The following EBF1 variants were observed in gnomAD, a reference collection of about 807,000 sequenced individuals.
EBF1 encodes the protein transcription factor COE1.
Under a neutral mutation model 68.4 loss-of-function variants are expected in EBF1, and 10 were observed. The observed-to-expected ratio is 0.15, with a 90% CI of 0.09 to 0.25. EBF1 has a LOEUF of 0.25. Among genes scored for constraint, EBF1 ranks in the 10% least tolerant of loss-of-function variants. The probability of loss-of-function intolerance (pLI) is 1.00; values close to 1 mark genes in which losing one functional copy is unlikely to be tolerated. For missense variants in EBF1, 509 were observed against 794.4 expected, an observed-to-expected ratio of 0.64 and a Z score of 4.32; for synonymous variants, 298 against 299.8, an observed-to-expected ratio of 0.99 and a Z score of 0.06.
chr5:158,863,169 C>T (rs993697279), intron 6 of EBF1, among the ~76,000 whole-genome samples: 1 of 152,162 alleles, frequency 6.6e-6, no homozygotes, highest in African/African-American at 2.4e-5. Context: ...TTTGATGTTT[C>T]CTAAACTCTC....
intron 6 of EBF1, among the ~76,000 whole-genome samples, chr5:159,007,076 C>T (rs1184125013): frequency 6.6e-6 from 1 of 152,072 alleles, no homozygotes; most frequent in African/African-American, 2.4e-5. Context: ...ATTCATGTGT[C>T]CTCATTGTGA....
intron 8 of EBF1, among the ~76,000 whole-genome samples, chr5:158,816,369 A>C (rs537038683): frequency 6.6e-6 from 1 of 152,250 alleles, no homozygotes; most frequent in Non-Finnish European, 1.5e-5. Context: ...GAAACTATGC[A>C]AACCCTGAAA....
chr5:158,892,965 A>T (rs1801469508), intron 6 of EBF1, among the ~76,000 whole-genome samples: 1 of 151,866 alleles, frequency 6.6e-6, no homozygotes, highest in Non-Finnish European at 1.5e-5. Context: ...CATTTCTGCT[A>T]GCCTGACACG....
chr5:159,019,427 T>C (rs1042056758), intron 6 of EBF1, among the ~76,000 whole-genome samples: 12 of 152,308 alleles, frequency 7.9e-5, no homozygotes, highest in Middle Eastern at 6.8e-3. Flanking sequence ...ACTGCAAATA[T>C]AAATGAAAAA....
intron 6 of EBF1, among the ~76,000 whole-genome samples, chr5:158,906,262 C>T (rs916280602): frequency 7.4e-6 from 1 of 135,774 alleles, no homozygotes; most frequent in Admixed American, 7.9e-5. Context: ...AGATCACTTG[C>T]TTGGAAGTAG....
intron 10 of EBF1, among the ~76,000 whole-genome samples, chr5:158,758,236 G>A (rs1373683819): frequency 1.3e-5 from 2 of 152,158 alleles, no homozygotes; most frequent in East Asian, 3.9e-4. Context: ...AACATCTACT[G>A]GGTACTGCTG....
At position 158,845,400 on chromosome 5, in the gene EBF1, C is replaced by T. The variant is rs142491150; in HGVS notation, c.555-5290G>A. Among the ~76,000 whole-genome samples the T allele has an allele frequency of 2.0e-3, 311 of 152,238 alleles. 3 individuals carry two copies. Among genetic ancestry groups the T allele is most frequent in the African/African-American group, 7.3e-3 (303 of 41,546 alleles). ...GGGTGACTTTAGATAAATTATTTAA[C>T]CTCTCTGTGCCTCAATTTTCTCATC... is the stretch of plus-strand genomic sequence containing the variant. On this transcript the variant is annotated intron_variant, in intron 6 of 15. Coordinates refer to ENST00000313708, the MANE Select transcript of EBF1 (RefSeq NM_024007.5).
At chr5:158,847,972 G>C (rs926207857) in intron 6 of EBF1, among the ~76,000 whole-genome samples, 1 of 152,056 alleles carries the variant, frequency 6.6e-6, no homozygotes, top group Non-Finnish European at 1.5e-5. Context: ...CAGTAACAGC[G>C]ACCCACCCCA....
At chr5:158,873,134 T>C (rs1349463724) in intron 6 of EBF1, among the ~76,000 whole-genome samples, 2 of 150,362 alleles carry the variant, frequency 1.3e-5, no homozygotes, top group Non-Finnish European at 3.0e-5. Flanking sequence ...ATAGTGGAAA[T>C]GGGACTCCTG....
intron 6 of EBF1, among the ~76,000 whole-genome samples, chr5:159,021,284 C>T (rs1766625802): frequency 6.6e-6 from 1 of 151,952 alleles, no homozygotes; most frequent in Admixed American, 6.5e-5. Flanking sequence ...TGGGAATCTC[C>T]CGCCAAAAAA....
intron 6 of EBF1, among the ~76,000 whole-genome samples, chr5:159,038,843 G>T (rs1770619820): frequency 6.6e-6 from 1 of 152,160 alleles, no homozygotes; most frequent in African/African-American, 2.4e-5. Context: ...GGTAGAAAGA[G>T]ATCCTGGTTC....
At chr5:159,047,008 T>C (rs1233517450) in intron 6 of EBF1, among the ~76,000 whole-genome samples, 1 of 152,224 alleles carries the variant, frequency 6.6e-6, no homozygotes, top group East Asian at 1.9e-4. Flanking sequence ...TTTCATCCAA[T>C]AACTCATTCA....
At chr5:159,033,381 C>T (rs1769335303) in intron 6 of EBF1, among the ~76,000 whole-genome samples, 1 of 152,098 alleles carries the variant, frequency 6.6e-6, no homozygotes, top group Non-Finnish European at 1.5e-5. Context: ...TTTTCCTTTC[C>T]CTTTCATTGA....
rs576577073 is a variant in EBF1 at position 158,926,552 on chromosome 5, C to T, written c.555-86442G>A. 5.3e-4 allele frequency among the ~76,000 whole-genome samples: 81 copies of T among 151,862 alleles called. 1 individual carries two copies. In the East Asian group the frequency reaches 0.013, roughly 25 times the overall value. Reference sequence around the variant, plus strand: ...CAGCCTGGCCAGTATGGTGAAACCCCGTCTCTACTAAAAATACAAAAATTA... The same window carrying T: ...CAGCCTGGCCAGTATGGTGAAACCCTGTCTCTACTAAAAATACAAAAATTA... On this transcript the variant is annotated intron_variant, in intron 6 of 15. Transcript: ENST00000313708.
At chr5:158,769,360 A>C (rs765446078) in intron 10 of EBF1, among the ~76,000 whole-genome samples, 1 of 152,120 alleles carries the variant, frequency 6.6e-6, no homozygotes, top group Non-Finnish European at 1.5e-5. Context: ...GTTGTATATA[A>C]GGCCTCGTGG....
At chr5:158,752,847 G>T (rs1769227043) in intron 10 of EBF1, among the ~76,000 whole-genome samples, 1 of 151,976 alleles carries the variant, frequency 6.6e-6, no homozygotes, top group Non-Finnish European at 1.5e-5. Flanking sequence ...GATAATTATA[G>T]ATGACCAGAT....
At chr5:158,931,760 T>C (rs1810935967) in intron 6 of EBF1, among the ~76,000 whole-genome samples, 1 of 152,156 alleles carries the variant, frequency 6.6e-6, no homozygotes, top group Non-Finnish European at 1.5e-5. Flanking sequence ...GATGAGAATA[T>C]ATAGAGAGAG....
intron 6 of EBF1, among the ~76,000 whole-genome samples, chr5:158,857,881 T>C (rs558573099): frequency 6.6e-6 from 1 of 152,336 alleles, no homozygotes; most frequent in Non-Finnish European, 1.5e-5. Context: ...TAACAGAATT[T>C]ATCCTCATTT....
rs1337652543 is a variant in EBF1 at position 158,823,311 on chromosome 5, C to T, written c.643G>A (p.Val215Met). The T allele has an allele frequency of 6.2e-7, 1 of 1,609,964 alleles. No homozygotes were observed. The highest frequency in any genetic ancestry group is 8.5e-7 in the Non-Finnish European group (1 of 1,178,054). ...CCATCCACATTGACTGTCGTAGACA[C>T]CACGACCTGGAGACATAAGAAAGAA... The part of the protein sequence containing the change: ...PRDMRRFQVV[V>M]STTVNVDGHV... Residue 215 changes from valine to methionine, a missense_variant, in exon 8 of 16, where the codon GTG (valine) becomes ATG (methionine). Around this residue, in one of 3 missense-constraint regions of EBF1, gnomAD observed 230 missense variants for 467.7 expected, o/e 0.49. Coordinates refer to ENST00000313708, the MANE Select transcript of EBF1 (RefSeq NM_024007.5).
Sources: allele counts gnomAD v4.1 joint callset (sites outside exome capture counted in the v4.1 genomes callset), GRCh38; gene constraint gnomAD v4.1.1; regional missense constraint gnomAD v4.1.1; transcripts MANE v1.5; gene names NCBI Gene and HGNC (gene_info 2026-07-23, HGNC 2026-07-21).